The following BNIP2 variants were observed in gnomAD, a reference collection of about 807,000 sequenced individuals.
BNIP2 encodes BCL2/adenovirus E1B 19 kDa protein-interacting protein 2.
In BNIP2, 36 loss-of-function variants were observed where a neutral mutation model predicts 43.4. The ratio of observed to expected loss-of-function variants is 0.83; its 90% CI spans 0.64 to 1.10. The LOEUF (loss-of-function observed/expected upper bound fraction) is 1.10. BNIP2 is among the 50% of genes least tolerant of loss of function. The pLI, the probability that BNIP2 is intolerant of heterozygous loss-of-function variation, is 0.00. For missense variants in BNIP2, 417 were observed against 374.1 expected (o/e 1.11, Z -0.95); for synonymous variants, 146 against 121.0 (o/e 1.21, Z -1.35).
At chr15:59,681,635 C>T (rs562303592) in intron 2 of BNIP2, among the ~76,000 whole-genome samples, 97 of 151,958 alleles carry the variant, frequency 6.4e-4, no homozygotes, top group African/African-American at 1.9e-3. Context: ...TTAGTAGAGA[C>T]GGGGTTTCAC....
rs1892264743 is a variant in BNIP2 at position 59,661,392 on chromosome 15, CTT to C, written c.*2675_*2676del. 6.7e-6 allele frequency: 1 copy of C among 150,042 alleles called. No individual in the cohort carries two copies. The highest frequency in any genetic ancestry group is 1.5e-5 in the Non-Finnish European group (1 of 67,758). 9.3% of individuals were successfully genotyped at this position (150,042 alleles called of 1,614,324 possible). ...GTGGCATCTTAGGTAACAACTATGT[CTT>C]TATCTCTTTATAAAGGTTTGCTTTC... is the stretch of plus-strand genomic sequence containing the variant. On this transcript the variant is annotated 3_prime_UTR_variant, in exon 10 of 10. Coordinates refer to ENST00000607373, the MANE Select transcript of BNIP2 (RefSeq NM_004330.4).
intron 5 of BNIP2, among the ~76,000 whole-genome samples, chr15:59,674,098 A>AC (rs1165152566): frequency 3.3e-5 from 5 of 149,804 alleles, no homozygotes; most frequent in African/African-American, 1.2e-4. Context: ...CTCAAAAAAA[A>AC]AACAAAAACA....
At chr15:59,681,423 T>G (rs1470285037) in intron 2 of BNIP2, among the ~76,000 whole-genome samples, 1 of 151,838 alleles carries the variant, frequency 6.6e-6, no homozygotes, top group East Asian at 1.9e-4. Flanking sequence ...AAGGTTTTTT[T>G]TTTTTTGGTG....
chr15:59,667,040 A>G (rs925387849), intron 9 of BNIP2, among the ~76,000 whole-genome samples: 2 of 152,232 alleles, frequency 1.3e-5, no homozygotes, highest in Admixed American at 6.5e-5. Flanking sequence ...ATTACAAATC[A>G]TATTTTTAAT....
Position 59,669,368 on chromosome 15 carries a change from G to GT in BNIP2, c.708-7dup. On this transcript the variant is annotated splice_polypyrimidine_tract_variant and splice_region_variant and intron_variant, in intron 7 of 9. Transcript: ENST00000607373. ...ATTTTAGATTTTTCCGTAACCTGGA[G>GT]TTTAAAAAAAAAACACACACACACA... The GT allele has an allele frequency of 2.1e-6, 3 of 1,462,710 alleles. No homozygotes were observed. Among genetic ancestry groups the GT allele is most frequent in the Non-Finnish European group, 2.7e-6 (3 of 1,094,740 alleles). The allele number at this position is 1,462,710 out of a possible 1,614,324, so 90.6% of individuals were successfully genotyped here. A position where few individuals can be genotyped will look rare whatever the true frequency, so the allele number is the denominator to read the frequency against.
rs1049828759 is a variant in BNIP2 at position 59,679,502 on chromosome 15, A to C, written c.295+90T>G. The C allele has an allele frequency of 1.5e-5, 20 of 1,362,618 alleles. No individual in the cohort carries two copies. In the African/African-American group the frequency reaches 3.0e-4, roughly 20 times the overall value. 84.4% of individuals were successfully genotyped at this position (1,362,618 alleles called of 1,614,324 possible). A position where few individuals can be genotyped will look rare whatever the true frequency, so the allele number is the denominator to read the frequency against. On this transcript the variant is annotated intron_variant, in intron 4 of 9. Coordinates refer to ENST00000607373, the MANE Select transcript of BNIP2 (RefSeq NM_004330.4). Reference sequence around the variant, plus strand: ...AGCACAATTTCCTATCTTAGTAACAAATATATGAACTTTAGAAAGAATGAT... The same window carrying C: ...AGCACAATTTCCTATCTTAGTAACACATATATGAACTTTAGAAAGAATGAT...
chr15:59,661,989 T>A lies in BNIP2; in HGVS notation c.*2080A>T, dbSNP rs1444629289. The A allele has an allele frequency of 1.3e-5, 2 of 152,222 alleles. No individual in the cohort carries two copies. The highest frequency in any genetic ancestry group is 2.9e-5 in the Non-Finnish European group (2 of 68,038). The allele number at this position is 152,222 out of a possible 1,614,324, so 9.4% of individuals were successfully genotyped here. ...TATCACTGTTGTCTCTGAATTTTAA[T>A]GTTTAACAGAATAGTCTTCTACTTT... On this transcript the variant is annotated 3_prime_UTR_variant, in exon 10 of 10. Coordinates refer to ENST00000607373, the MANE Select transcript of BNIP2 (RefSeq NM_004330.4).
intron 1 of BNIP2, 140 bp from the exon 2 acceptor site, chr15:59,682,654 T>C (rs979986508): frequency 4.9e-6 from 1 of 204,358 alleles, no homozygotes; most frequent in Non-Finnish European, 8.8e-6. Flanking sequence ...AGGGTTGCAA[T>C]TTTTTTTTTT....
chr15:59,670,915 A>C (rs1206438972), intron 7 of BNIP2, among the ~76,000 whole-genome samples: 1 of 152,006 alleles, frequency 6.6e-6, no homozygotes, highest in Non-Finnish European at 1.5e-5. Flanking sequence ...CTCTACAAAA[A>C]ATACAACATT....
chr15:59,684,283 CTTAT>C (rs1893880400), intron 1 of BNIP2, among the ~76,000 whole-genome samples: 2 of 152,202 alleles, frequency 1.3e-5, no homozygotes, highest in Non-Finnish European at 2.9e-5. Flanking sequence ...TCCACACCAA[CTTAT>C]TTGCTTGAAA....
At chr15:59,686,729 A>C (rs1894037981) in intron 1 of BNIP2, among the ~76,000 whole-genome samples, 1 of 152,188 alleles carries the variant, frequency 6.6e-6, no homozygotes, top group South Asian at 2.1e-4. Context: ...CAGAAATGTT[A>C]ACACAAGCCG....
At chr15:59,677,280 G>A (rs1166174793) in intron 5 of BNIP2, 37 of 1,590,824 alleles carry the variant, frequency 2.3e-5, no homozygotes, top group Admixed American at 6.9e-5. Context: ...GAGCTGCCAG[G>A]GGATCCTGGC....
rs1135148 is a variant in BNIP2, at chr15:59,671,289, A to G, written c.601T>C (p.Leu201=). ...FKYVIGTLEL[L]VAENYMIVYL... ...ACTATCATGTAGTTTTCTGCTACTA[A>G]TAGCTCCAAAGTGCCAATAACATAT... The change falls in exon 7 of 10, where the codon TTA becomes CTA. Residue 201 remains leucine (L), a synonymous_variant. Coordinates refer to ENST00000607373, the MANE Select transcript of BNIP2 (RefSeq NM_004330.4). 0.34 allele frequency: 541,620 copies of G among 1,589,284 alleles called. 95,309 individuals carry two copies. The highest frequency in any genetic ancestry group is 0.54 in the East Asian group (23,727 of 44,326).
At chr15:59,679,559 T>C (rs747378619) in intron 4 of BNIP2, 33 bp downstream of exon 4, 11 of 1,589,130 alleles carry the variant, frequency 6.9e-6, no homozygotes, top group African/African-American at 4.0e-5. Flanking sequence ...AGTACATTAA[T>C]AAAGATCAGA....
intron 7 of BNIP2, among the ~76,000 whole-genome samples, chr15:59,669,961 A>G (rs1339838031): frequency 4.6e-5 from 7 of 152,248 alleles, no homozygotes; most frequent in African/African-American, 1.7e-4. Context: ...CCAATGTCAA[A>G]TTTAGATGTG....
chr15:59,672,566 TAA>T, intron 6 of BNIP2, 69 bp downstream of exon 6: 1 of 1,160,058 alleles, frequency 8.6e-7, no homozygotes, highest in South Asian at 1.4e-5. Context: ...TTGAAAAGGT[TAA>T]GTTTCTTAAG....
Position 59,689,138 on chromosome 15 carries a change from G to C in BNIP2, c.-61C>G. 6.5e-7 allele frequency: 1 copy of C among 1,536,698 alleles called. No homozygotes were observed. Among genetic ancestry groups the C allele is most frequent in the African/African-American group, 1.4e-5 (1 of 73,066 alleles). On this transcript the variant is annotated 5_prime_UTR_variant, in exon 1 of 10. Coordinates refer to ENST00000607373, the MANE Select transcript of BNIP2 (RefSeq NM_004330.4). The stretch of plus-strand genomic sequence containing the variant: ...AGTTCTCCCAGGCCGCACTCACCCC[G>C]GAGGAAGCCTTGGCCCCCTCGTCCT...
rs1893423175 is a variant in BNIP2, at chr15:59,678,072, G to C, written c.311C>G (p.Pro104Arg). 3 of 1,598,276 alleles carry C rather than the reference G, an allele frequency of 1.9e-6. No individual in the cohort carries two copies. Among genetic ancestry groups the C allele is most frequent in the Admixed American group, 1.8e-5 (1 of 55,134 alleles). ...EFEWEDDLPKPKTTEVIRKGS... is the reference protein window; with the variant it reads ...EFEWEDDLPKRKTTEVIRKGS... ...TTTCCTAATTACTTCAGTAGTCTTGGGTTTTGGAAGATCATCTGTCAAAAT... is the reference window on the plus strand; with the variant it reads ...TTTCCTAATTACTTCAGTAGTCTTGCGTTTTGGAAGATCATCTGTCAAAAT... The change falls in exon 5 of 10, where the codon CCC (proline) becomes CGC (arginine). Residue 104 changes from proline (P) to arginine (R), a missense_variant. Pro to Arg is a moderately radical substitution (Grantham distance 103). Coordinates refer to ENST00000607373, the MANE Select transcript of BNIP2 (RefSeq NM_004330.4).
chr15:59,675,681 G>C (rs1290984475), intron 5 of BNIP2, among the ~76,000 whole-genome samples: 1 of 152,060 alleles, frequency 6.6e-6, no homozygotes, highest in Admixed American at 6.5e-5. Context: ...GTTCAAAGCA[G>C]TTTTGTTTAT....
Sources: gnomAD v4.1 joint callset for allele counts (sites outside exome capture counted in the v4.1 genomes callset) on GRCh38, gnomAD v4.1.1 for gene constraint, MANE v1.5 for transcripts, NCBI Gene and HGNC (gene_info 2026-07-23, HGNC 2026-07-21) for gene names.